KANK1: variants seen among roughly 807,000 people sequenced by gnomAD.
KANK1 encodes KN motif and ankyrin repeat domains 1.
A neutral mutation model predicts 106.2 loss-of-function variants in KANK1; 109 were observed. The observed-to-expected ratio is 1.03, with a 90% confidence interval of 0.88 to 1.20. KANK1 has a LOEUF of 1.20. Ranked by LOEUF, KANK1 falls within the 50% of genes most tolerant of loss-of-function variation. The pLI is 0.00. For synonymous variants in KANK1, 873 were observed against 652.2 expected (o/e 1.34, Z -5.16); for missense variants, 2,399 against 1,710.7 (o/e 1.40, Z -7.10).
At chr9:498,690 T>C (rs1413923871) in intron 3 of KANK1, among the ~76,000 whole-genome samples, 2 of 152,278 alleles carry the variant, frequency 1.3e-5, no homozygotes, top group East Asian at 3.9e-4. Context: ...TCAACATAAT[T>C]AGTCTTAGAG....
chr9:714,684 C>G (rs1564061782), intron 3 of KANK1, among the ~76,000 whole-genome samples: 1 of 152,090 alleles, frequency 6.6e-6, no homozygotes, highest in East Asian at 1.9e-4. Flanking sequence ...TTTTGTCTGT[C>G]TTATTCTTTC....
chr9:668,428 A>C (rs1394327075), intron 1 of KANK1, among the ~76,000 whole-genome samples: 1 of 152,090 alleles, frequency 6.6e-6, no homozygotes, highest in Non-Finnish European at 1.5e-5. Flanking sequence ...TGTATTAATC[A>C]GTTCTAAGAT....
At chr9:595,913 C>G (rs1826096439) in intron 1 of KANK1, among the ~76,000 whole-genome samples, 1 of 151,814 alleles carries the variant, frequency 6.6e-6, no homozygotes, top group South Asian at 2.1e-4. Context: ...TTGAGCATCC[C>G]CTATCCCAAA....
chr9:499,983 C>T (rs892448774), upstream of KANK1, among the ~76,000 whole-genome samples: 9 of 152,174 alleles, frequency 5.9e-5, no homozygotes, highest in African/African-American at 2.2e-4. Context: ...TGTAATATTT[C>T]CCTCAGACTC....
intron 2 of KANK1, among the ~76,000 whole-genome samples, chr9:709,434 A>T (rs1186800399): frequency 6.6e-6 from 1 of 152,154 alleles, no homozygotes; most frequent in Non-Finnish European, 1.5e-5. Context: ...CAGCAGGGAC[A>T]TCTCATCCCA....
At chr9:698,913 A>G (rs747657680) in intron 2 of KANK1, among the ~76,000 whole-genome samples, 1 of 152,172 alleles carries the variant, frequency 6.6e-6, no homozygotes. Flanking sequence ...AAACCCTTCA[A>G]TAGCTTACCA....
chr9:649,051 T>C (rs1840329472), intron 1 of KANK1, among the ~76,000 whole-genome samples: 1 of 152,206 alleles, frequency 6.6e-6, no homozygotes, highest in Non-Finnish European at 1.5e-5. Flanking sequence ...TCTGACGTTA[T>C]TGTCAGCCTT....
rs114756074 is a variant in KANK1 at position 582,065 on chromosome 9, G to T, written c.-84+77311G>T. 2.3e-3 allele frequency among the ~76,000 whole-genome samples: 352 copies of T among 152,250 alleles called. 2 individuals carry two copies. Among genetic ancestry groups the T allele is most frequent in the African/African-American group, 8.0e-3 (334 of 41,562 alleles). ...AGAGAAAAACATTGGAACTCCCCCT[G>T]CCCCAGAGTTGGTAACTGCTCAAAT... On this transcript the variant is annotated intron_variant, in intron 1 of 11. Coordinates refer to ENST00000382297, the MANE Select transcript of KANK1 (RefSeq NM_015158.5).
intron 1 of KANK1, among the ~76,000 whole-genome samples, chr9:634,871 A>C (rs1366755558): frequency 6.6e-6 from 1 of 152,060 alleles, no homozygotes; most frequent in Non-Finnish European, 1.5e-5. Context: ...TTGTCACTTC[A>C]CTCTGCCATC....
At chr9:516,207 G>C (rs1394882630) in intron 1 of KANK1, among the ~76,000 whole-genome samples, 1 of 151,592 alleles carries the variant, frequency 6.6e-6, no homozygotes, top group African/African-American at 2.4e-5. Context: ...GGTTTTTGGA[G>C]AATTCAGGCT....
At chr9:606,031 C>T (rs986338378) in intron 1 of KANK1, among the ~76,000 whole-genome samples, 3 of 151,354 alleles carry the variant, frequency 2.0e-5, no homozygotes, top group Non-Finnish European at 4.4e-5. Flanking sequence ...TTTTACTATT[C>T]AGTCAGTTTT....
At chr9:683,357 G>C (rs987473600) in intron 2 of KANK1, among the ~76,000 whole-genome samples, 1 of 152,146 alleles carries the variant, frequency 6.6e-6, no homozygotes. Context: ...AAACACATAG[G>C]TAGGAGCCTG....
chr9:612,662 A>G (rs1830846230), intron 1 of KANK1, among the ~76,000 whole-genome samples: 1 of 152,184 alleles, frequency 6.6e-6, no homozygotes, highest in Admixed American at 6.5e-5. Context: ...GTGGGATGAG[A>G]AATTAAAAAA....
chr9:562,364 A>G (rs1587836401), intron 1 of KANK1, among the ~76,000 whole-genome samples: 3 of 152,244 alleles, frequency 2.0e-5, no homozygotes, highest in African/African-American at 2.4e-5. Flanking sequence ...AGTAAATTGC[A>G]TTTTCTACAC....
rs564327397 is a variant in KANK1, at chr9:688,021, A to G, written c.37+11012A>G. 1.3e-4 allele frequency among the ~76,000 whole-genome samples: 20 copies of G among 152,314 alleles called. No individual in the cohort carries two copies. The South Asian group carries it at 1.7e-3, about 13-fold the overall frequency. ...ACTTTGTGCTGGCATGATGCTGGGC[A>G]TATAATACAGGTCAAAAATCAGGCC... is the stretch of plus-strand genomic sequence containing the variant. On this transcript the variant is annotated intron_variant, in intron 2 of 11. Transcript: ENST00000382297.
At chr9:722,792 T>C (rs1204003527) in intron 3 of KANK1, among the ~76,000 whole-genome samples, 4 of 152,190 alleles carry the variant, frequency 2.6e-5, no homozygotes, top group Non-Finnish European at 5.9e-5. Context: ...TTGAATTACA[T>C]GGACACTTAT....
intron 2 of KANK1, among the ~76,000 whole-genome samples, chr9:697,886 AG>A (rs1313682678): frequency 2.0e-5 from 3 of 152,276 alleles, no homozygotes; most frequent in Non-Finnish European, 4.4e-5. Context: ...TGGTAGGCGG[AG>A]GGTGTTATCT....
intron 5 of KANK1, 145 bp downstream of exon 5, chr9:731,411 T>G (rs2131751229): frequency 1.8e-6 from 1 of 544,606 alleles, no homozygotes; most frequent in East Asian, 3.2e-5. Context: ...AAAGGTGCAT[T>G]TGGGCTTTGC....
intron 1 of KANK1, among the ~76,000 whole-genome samples, chr9:535,389 A>G (rs1274398285): frequency 6.6e-6 from 1 of 152,140 alleles, no homozygotes; most frequent in African/African-American, 2.4e-5. Context: ...GGAAGGATCT[A>G]TTCCTGCCCA....
Sources: gnomAD v4.1 joint callset for allele counts (sites outside exome capture counted in the v4.1 genomes callset) on GRCh38, gnomAD v4.1.1 for gene constraint, MANE v1.5 for transcripts, NCBI Gene and HGNC (gene_info 2026-07-23, HGNC 2026-07-21) for gene names.